CCDC85A: variants seen among roughly 807,000 people sequenced by gnomAD.
The protein encoded by CCDC85A is coiled-coil domain containing 85A.
A neutral mutation model predicts 50.2 loss-of-function variants in CCDC85A; 38 were observed. The ratio of observed to expected loss-of-function variants is 0.76; its 90% CI spans 0.58 to 0.99. The LOEUF (loss-of-function observed/expected upper bound fraction) is 0.99. Ranked by LOEUF, CCDC85A falls within the 50% of genes least tolerant of loss-of-function variation. The pLI is 0.00. For missense variants in CCDC85A, 820 were observed against 742.0 expected (o/e 1.11, Z -1.22); for synonymous variants, 366 against 301.4 (o/e 1.21, Z -2.22).
intron 2 of CCDC85A, among the ~76,000 whole-genome samples, chr2:56,310,331 A>G (rs1345801205): frequency 6.6e-6 from 1 of 152,172 alleles, no homozygotes; most frequent in Non-Finnish European, 1.5e-5. Context: ...CCAGCTTAGG[A>G]TACTGAGGAG....
intron 2 of CCDC85A, among the ~76,000 whole-genome samples, chr2:56,230,311 G>A (rs770805576): frequency 1.6e-4 from 25 of 152,254 alleles, no homozygotes; most frequent in Non-Finnish European, 3.1e-4. Flanking sequence ...GATACCTTGG[G>A]CAGATGATGT....
chr2:56,267,098 G>A (rs1670483581), intron 2 of CCDC85A, among the ~76,000 whole-genome samples: 2 of 151,858 alleles, frequency 1.3e-5, no homozygotes, highest in Admixed American at 6.6e-5. Context: ...AATGAAATAT[G>A]TTCTTGGGCT....
At chr2:56,237,018 T>A (rs1451081806) in intron 2 of CCDC85A, among the ~76,000 whole-genome samples, 1 of 152,174 alleles carries the variant, frequency 6.6e-6, no homozygotes, top group Non-Finnish European at 1.5e-5. Context: ...CAAAATGTAT[T>A]TCAGTTGGTT....
intron 2 of CCDC85A, among the ~76,000 whole-genome samples, chr2:56,233,039 G>A (rs1042742559): frequency 1.3e-5 from 2 of 152,108 alleles, no homozygotes; most frequent in Non-Finnish European, 2.9e-5. Context: ...CCTTCTCCCT[G>A]TAAGGCCTGT....
rs150741583 is a variant in CCDC85A at position 56,248,713 on chromosome 2, C to G, written c.1240+55273C>G. Among the ~76,000 whole-genome samples the G allele has an allele frequency of 5.3e-5, 8 of 152,248 alleles. No individual in the cohort carries two copies. The East Asian group carries it at 1.4e-3, about 26-fold the overall frequency. Reference sequence around the variant, plus strand: ...GAGACAATAGTAAGTTCATTTTTATCAAGCACTTTACGTGGCAGGGCTGAG... The same window carrying G: ...GAGACAATAGTAAGTTCATTTTTATGAAGCACTTTACGTGGCAGGGCTGAG... On this transcript the variant is annotated intron_variant, in intron 2 of 5. Transcript: ENST00000407595.
chr2:56,198,300 T>C (rs147771745), intron 2 of CCDC85A, among the ~76,000 whole-genome samples: 3 of 152,340 alleles, frequency 2.0e-5, no homozygotes, highest in African/African-American at 4.8e-5. Context: ...ACAATAGAAA[T>C]TGAATGTCTC....
intron 2 of CCDC85A, among the ~76,000 whole-genome samples, chr2:56,214,560 C>G (rs910881464): frequency 6.6e-6 from 1 of 151,686 alleles, no homozygotes; most frequent in Non-Finnish European, 1.5e-5. Flanking sequence ...AGGTCAGTAT[C>G]TACAATAATT....
At chr2:56,376,222 T>A (rs1425830402) in intron 5 of CCDC85A, among the ~76,000 whole-genome samples, 3 of 152,212 alleles carry the variant, frequency 2.0e-5, no homozygotes, top group South Asian at 4.1e-4. Context: ...TATATCCATA[T>A]TTGTAAAAAA....
intron 3 of CCDC85A, among the ~76,000 whole-genome samples, chr2:56,347,916 C>A (rs76618428): frequency 0.097 from 14,728 of 152,114 alleles, 915 homozygotes; most frequent in East Asian, 0.3. Context: ...TGCAGTGAGG[C>A]CTATTCAACT....
At position 56,266,632 on chromosome 2, in the gene CCDC85A, G is replaced by A. The variant is rs572158796; in HGVS notation, c.1240+73192G>A. Reference sequence around the variant, plus strand: ...AAAAAAGATCCATTGTGATTTATGTGAAATGAATTGAAGAAAGCCTTGGGT... The same window carrying A: ...AAAAAAGATCCATTGTGATTTATGTAAAATGAATTGAAGAAAGCCTTGGGT... On this transcript the variant is annotated intron_variant, in intron 2 of 5. Coordinates refer to ENST00000407595, the MANE Select transcript of CCDC85A (RefSeq NM_001080433.2). 2.4e-5 allele frequency among the ~76,000 whole-genome samples: 3 copies of A among 126,868 alleles called. No homozygotes were observed. In the South Asian group the frequency reaches 7.9e-4, roughly 33 times the overall value. The allele number at this position is 126,868 out of a possible 152,430, so 83.2% of individuals were successfully genotyped here.
intron 2 of CCDC85A, among the ~76,000 whole-genome samples, chr2:56,217,897 G>A (rs1483727036): frequency 2.0e-5 from 3 of 151,708 alleles, no homozygotes; most frequent in African/African-American, 4.8e-5. Flanking sequence ...TCTTAATTAG[G>A]TTTGCCTGAT....
chr2:56,246,074 G>A (rs1330192613), intron 2 of CCDC85A, among the ~76,000 whole-genome samples: 1 of 152,144 alleles, frequency 6.6e-6, no homozygotes, highest in African/African-American at 2.4e-5. Flanking sequence ...ACAGGCATGT[G>A]CCACCATCCC....
intron 2 of CCDC85A, among the ~76,000 whole-genome samples, chr2:56,331,452 T>A (rs1446816671): frequency 6.6e-6 from 1 of 152,176 alleles, no homozygotes; most frequent in Non-Finnish European, 1.5e-5. Context: ...TATTTGGGTG[T>A]TGTTTACACT....
At chr2:56,325,156 A>T (rs1673402569) in intron 2 of CCDC85A, among the ~76,000 whole-genome samples, 1 of 152,082 alleles carries the variant, frequency 6.6e-6, no homozygotes, top group Non-Finnish European at 1.5e-5. Flanking sequence ...ATATAAAATT[A>T]ATCTGAAAAT....
rs143011693 is a variant in CCDC85A, at chr2:56,302,704, A to G, written c.1241-40175A>G. Among the ~76,000 whole-genome samples, 376 of 152,362 alleles carry G rather than the reference A, an allele frequency of 2.5e-3. 1 individual carries two copies. The highest frequency in any genetic ancestry group is 8.7e-3 in the African/African-American group (360 of 41,590). ...CTTAGTCTCATGTTGTGATTTCAAC[A>G]TAAAGCTCATTTTTACAAATATCTA... On this transcript the variant is annotated intron_variant, in intron 2 of 5. Transcript: ENST00000407595.
At chr2:56,234,602 G>A (rs1293248671) in intron 2 of CCDC85A, among the ~76,000 whole-genome samples, 1 of 151,876 alleles carries the variant, frequency 6.6e-6, no homozygotes, top group African/African-American at 2.4e-5. Context: ...TTTCTCAAAT[G>A]TACCTATTTC....
intron 2 of CCDC85A, among the ~76,000 whole-genome samples, chr2:56,200,497 C>A (rs1676689322): frequency 6.6e-6 from 1 of 152,164 alleles, no homozygotes; most frequent in Admixed American, 6.5e-5. Context: ...ATTTATAAGT[C>A]TCTAATCTGC....
At chr2:56,342,809 C>A in intron 2 of CCDC85A, 70 bp from the exon 3 acceptor site, 1 of 993,312 alleles carries the variant, frequency 1.0e-6, no homozygotes, top group Non-Finnish European at 1.5e-6. Context: ...TAAATCAAGC[C>A]AGAAATATCC....
Position 56,193,439 on chromosome 2 carries a change from C to T in CCDC85A, c.1239C>T (p.Asn413=), listed in dbSNP as rs760813992. ...PHHRNVYSGM[N]ESTLSYVRQL... The stretch of plus-strand genomic sequence containing the variant: ...ACCGGAATGTCTACAGTGGCATGAA[C>T]GGTGGGTCAGTATGTGCTGGGGTGC... Residue 413 remains asparagine, a splice_region_variant and synonymous_variant, in exon 2 of 6, where the codon AAC becomes AAT. Transcript: ENST00000407595. 5.0e-6 allele frequency: 8 copies of T among 1,598,346 alleles called. No individual in the cohort carries two copies. The highest frequency in any genetic ancestry group is 4.6e-5 in the South Asian group (4 of 87,748).
Sources: gnomAD v4.1 joint callset for allele counts (sites outside exome capture counted in the v4.1 genomes callset) on GRCh38, gnomAD v4.1.1 for gene constraint, MANE v1.5 for transcripts, NCBI Gene and HGNC (gene_info 2026-07-23, HGNC 2026-07-21) for gene names.